Variants in ARHGAP22 observed in about 807,000 individuals in gnomAD.
The protein encoded by ARHGAP22 is rho GTPase-activating protein 22.
ARHGAP22 carries 48 observed loss-of-function variants against 59.1 expected under a neutral mutation model. The ratio of observed to expected loss-of-function variants is 0.81; its 90% CI spans 0.64 to 1.03. The LOEUF is 1.03. ARHGAP22 is among the 50% of genes least tolerant of loss of function. ARHGAP22 has a pLI of 0.00. For missense variants in ARHGAP22, 1,015 were observed against 958.7 expected (o/e 1.06, Z -0.78); for synonymous variants, 445 against 416.4 (o/e 1.07, Z -0.84).
intron 1 of ARHGAP22, among the ~76,000 whole-genome samples, chr10:48,589,809 C>T (rs1784952657): frequency 6.6e-6 from 1 of 152,160 alleles, no homozygotes; most frequent in Admixed American, 6.5e-5. Context: ...AGATATGCAG[C>T]TACTAAGGGA....
intron 1 of ARHGAP22, among the ~76,000 whole-genome samples, chr10:48,624,617 T>C (rs554386430): frequency 5.3e-5 from 8 of 152,342 alleles, no homozygotes; most frequent in African/African-American, 1.2e-4. Flanking sequence ...ATCTGTTTTC[T>C]CTTTTGGAAA....
At chr10:48,602,211 T>C (rs1254147353) in intron 1 of ARHGAP22, among the ~76,000 whole-genome samples, 1 of 152,160 alleles carries the variant, frequency 6.6e-6, no homozygotes, top group Non-Finnish European at 1.5e-5. Flanking sequence ...ATCATATTAA[T>C]AGAGCTTTCT....
At chr10:48,561,119 A>G (rs1012947138) in intron 2 of ARHGAP22, among the ~76,000 whole-genome samples, 1 of 152,196 alleles carries the variant, frequency 6.6e-6, no homozygotes, top group Non-Finnish European at 1.5e-5. Context: ...AAACAATGAG[A>G]TATTAGCATT....
intron 4 of ARHGAP22, among the ~76,000 whole-genome samples, chr10:48,469,909 C>T (rs979629139): frequency 5.9e-5 from 9 of 152,242 alleles, no homozygotes; most frequent in Admixed American, 2.6e-4. Flanking sequence ...CTCTGCACTC[C>T]AGCCGACTAG....
At chr10:48,575,783 T>A (rs931763483) in intron 2 of ARHGAP22, 2 of 152,134 alleles carry the variant, frequency 1.3e-5, no homozygotes, top group African/African-American at 2.4e-5. Context: ...AAGTGTGGAT[T>A]CCAAACTCCA....
At chr10:48,549,455 C>T (rs1164978125) in intron 3 of ARHGAP22, among the ~76,000 whole-genome samples, 1 of 152,138 alleles carries the variant, frequency 6.6e-6, no homozygotes, top group Non-Finnish European at 1.5e-5. Context: ...TTCCTGGTGG[C>T]ACCATGCCTA....
downstream of ARHGAP22, chr10:48,444,950 C>T (rs986735758): frequency 2.0e-5 from 3 of 152,258 alleles, no homozygotes; most frequent in Admixed American, 1.3e-4. Context: ...CAAAGACAGA[C>T]GCCACTCTCC....
At chr10:48,524,196 T>TGCCC in intron 3 of ARHGAP22, 1 of 930,752 alleles carries the variant, frequency 1.1e-6, no homozygotes, top group Non-Finnish European at 1.3e-6. Flanking sequence ...CCACGGGCAG[T>TGCCC]GCCCAGCTGG....
chr10:48,614,339 C>G (rs1489116330), intron 1 of ARHGAP22, among the ~76,000 whole-genome samples: 1 of 152,150 alleles, frequency 6.6e-6, no homozygotes, highest in Non-Finnish European at 1.5e-5. Flanking sequence ...ATAACCTTAA[C>G]AAGAATAGAT....
chr10:48,487,877 C>T (rs763835781), intron 3 of ARHGAP22, among the ~76,000 whole-genome samples: 1 of 152,072 alleles, frequency 6.6e-6, no homozygotes, highest in Non-Finnish European at 1.5e-5. Context: ...CCAGCCTGGG[C>T]AACATGGCAA....
chr10:48,573,720 G>A (rs2058537500), intron 2 of ARHGAP22, among the ~76,000 whole-genome samples: 1 of 152,204 alleles, frequency 6.6e-6, no homozygotes, highest in African/African-American at 2.4e-5. Flanking sequence ...ATCAACCACA[G>A]CAACTTCCAT....
chr10:48,455,573 G>A lies in ARHGAP22; in HGVS notation c.660-439C>T, dbSNP rs998629034. On this transcript the variant is annotated intron_variant, in intron 5 of 9. Coordinates refer to ENST00000249601, the MANE Select transcript of ARHGAP22 (RefSeq NM_021226.4). ...GTGTGATGCAGGTCAGGTTGCACAGGGGAGGGCCCTGGGACATGGGCCAGG... is the reference window on the plus strand; with the variant it reads ...GTGTGATGCAGGTCAGGTTGCACAGAGGAGGGCCCTGGGACATGGGCCAGG... 4.6e-5 allele frequency among the ~76,000 whole-genome samples: 7 copies of A among 152,234 alleles called. 1 individual carries two copies. Among genetic ancestry groups the A allele is most frequent in the Admixed American group, 3.9e-4 (6 of 15,292 alleles).
chr10:48,431,990 A>G, the ARHGAP22 span, among the ~76,000 whole-genome samples: 2 of 152,310 alleles, frequency 1.3e-5, no homozygotes, highest in African/African-American at 2.4e-5. Flanking sequence ...CAGAAATTTG[A>G]AGTAACATAA....
chr10:48,452,257 G>A (rs745689002), intron 8 of ARHGAP22, among the ~76,000 whole-genome samples: 1 of 152,204 alleles, frequency 6.6e-6, no homozygotes, highest in South Asian at 2.1e-4. Flanking sequence ...AAGGCCCGAC[G>A]CTAGGAGGTC....
chr10:48,504,871 A>G (rs186228832), intron 3 of ARHGAP22, among the ~76,000 whole-genome samples: 1 of 151,820 alleles, frequency 6.6e-6, no homozygotes, highest in Non-Finnish European at 1.5e-5. Flanking sequence ...GGGTGAGCTG[A>G]GAGAGGGGGT....
At chr10:48,477,921 C>T (rs573548278) in intron 4 of ARHGAP22, among the ~76,000 whole-genome samples, 1 of 152,188 alleles carries the variant, frequency 6.6e-6, no homozygotes, top group Non-Finnish European at 1.5e-5. Flanking sequence ...TATAGCTTAT[C>T]TTTTCATTTT....
At chr10:48,547,621 C>T (rs542546053) in intron 3 of ARHGAP22, among the ~76,000 whole-genome samples, 2 of 152,370 alleles carry the variant, frequency 1.3e-5, no homozygotes, top group African/African-American at 4.8e-5. Context: ...GTACCCTTCA[C>T]CTCCTTCTGC....
intron 3 of ARHGAP22, among the ~76,000 whole-genome samples, chr10:48,551,518 A>T (rs754327486): frequency 3.3e-5 from 5 of 152,174 alleles, no homozygotes; most frequent in African/African-American, 4.8e-5. Flanking sequence ...AGCAAGACAC[A>T]AATGCCAGTC....
chr10:48,560,133 G>T (rs2057590852), intron 2 of ARHGAP22, among the ~76,000 whole-genome samples: 1 of 152,110 alleles, frequency 6.6e-6, no homozygotes, highest in African/African-American at 2.4e-5. Context: ...AGTAGTATTA[G>T]AACTCCAACT....
Sources: gnomAD v4.1 joint callset for allele counts (sites outside exome capture counted in the v4.1 genomes callset) on GRCh38, gnomAD v4.1.1 for gene constraint, MANE v1.5 for transcripts, NCBI Gene and HGNC (gene_info 2026-07-23, HGNC 2026-07-21) for gene names.